The following PLXDC2 variants were observed in gnomAD, a reference collection of about 807,000 sequenced individuals.
PLXDC2 encodes plexin domain-containing protein 2.
PLXDC2 carries 40 observed loss-of-function variants against 68.9 expected under a neutral mutation model. That is an observed-to-expected ratio of 0.58 (90% confidence interval 0.45 to 0.76). The LOEUF is 0.76. PLXDC2 is among the 30% of genes least tolerant of loss of function. The pLI is 0.00. For missense variants in PLXDC2, 644 were observed against 661.9 expected, an observed-to-expected ratio of 0.97 and a Z score of 0.30; for synonymous variants, 243 against 234.2, an observed-to-expected ratio of 1.04 and a Z score of -0.34.
rs1022095894 is a variant in PLXDC2 at position 19,965,723 on chromosome 10, G to GA, written c.113-36052_113-36051insA. Among the ~76,000 whole-genome samples the GA allele has an allele frequency of 4.1e-5, 6 of 147,534 alleles. 1 individual carries two copies. In the East Asian group the frequency reaches 1.3e-3, roughly 32 times the overall value. ...CTCTGGAAAACAGTTTTTTTTGGGG[G>GA]GGGGGGTTACATAATTCAATGAAAG... On this transcript the variant is annotated intron_variant, in intron 1 of 13. Coordinates refer to ENST00000377252, the MANE Select transcript of PLXDC2 (RefSeq NM_032812.9).
At chr10:20,002,257 G>C (rs1037901755) in intron 2 of PLXDC2, among the ~76,000 whole-genome samples, 1 of 146,530 alleles carries the variant, frequency 6.8e-6, no homozygotes, top group Non-Finnish European at 1.5e-5. Context: ...CATTGTGTAA[G>C]AGCTTTTTTT....
chr10:20,239,255 C>A (rs976009824), intron 12 of PLXDC2, among the ~76,000 whole-genome samples: 11 of 152,156 alleles, frequency 7.2e-5, no homozygotes. Flanking sequence ...GAAGAGTTTA[C>A]GTCTTAAGAC....
chr10:20,283,425 G>A lies in PLXDC2; in HGVS notation c.*3606G>A, dbSNP rs770347354. The A allele has an allele frequency of 6.6e-5, 10 of 152,172 alleles. No homozygotes were observed. The highest frequency in any genetic ancestry group is 1.0e-4 in the Non-Finnish European group (7 of 68,030). The allele number at this position is 152,172 out of a possible 1,614,324, so 9.4% of individuals were successfully genotyped here. A position where few individuals can be genotyped will look rare whatever the true frequency, so the allele number is the denominator to read the frequency against. ...CCCATATAAAGTACGACTTTTGGTC[G>A]AGTACCAGCACAAATTTGCATTCAA... On this transcript the variant is annotated 3_prime_UTR_variant, in exon 14 of 14. Transcript: ENST00000377252.
chr10:20,022,040 A>T (rs1278535849), intron 2 of PLXDC2, among the ~76,000 whole-genome samples: 2 of 152,162 alleles, frequency 1.3e-5, no homozygotes. Flanking sequence ...TTGAACTTTC[A>T]ATTGTACTCA....
intron 1 of PLXDC2, among the ~76,000 whole-genome samples, chr10:19,948,545 T>C (rs1200621491): frequency 6.6e-6 from 1 of 152,028 alleles, no homozygotes; most frequent in African/African-American, 2.4e-5. Flanking sequence ...CTATAAATGA[T>C]GCTTTATTGT....
intron 2 of PLXDC2, among the ~76,000 whole-genome samples, chr10:20,019,445 A>G (rs893595383): frequency 2.6e-5 from 4 of 152,146 alleles, no homozygotes; most frequent in Non-Finnish European, 4.4e-5. Flanking sequence ...CTGGTAATTG[A>G]TGCCTGGTGC....
At chr10:19,837,492 G>A (rs1429290623) in intron 1 of PLXDC2, among the ~76,000 whole-genome samples, 2 of 151,588 alleles carry the variant, frequency 1.3e-5, no homozygotes, top group Non-Finnish European at 2.9e-5. Flanking sequence ...GAGTTGGAAA[G>A]AAAGTAAAAG....
intron 12 of PLXDC2, among the ~76,000 whole-genome samples, chr10:20,223,238 G>A (rs1835238979): frequency 6.6e-6 from 1 of 151,830 alleles, no homozygotes; most frequent in Non-Finnish European, 1.5e-5. Flanking sequence ...GCTGGGATGT[G>A]AATCTATTTA....
chr10:20,052,746 G>A (rs113922383), intron 3 of PLXDC2, among the ~76,000 whole-genome samples: 274 of 137,388 alleles, frequency 2.0e-3, no homozygotes, highest in Middle Eastern at 8.2e-3. Context: ...AAAAAAGAAA[G>A]AAAGAAAAAA....
chr10:19,824,351 TTACCTTTTC>T (rs1332299059), intron 1 of PLXDC2, among the ~76,000 whole-genome samples: 2 of 152,244 alleles, frequency 1.3e-5, no homozygotes, highest in Non-Finnish European at 2.9e-5. Context: ...TGTCTTCATC[TTACCTTTTC>T]TACCTTTTCT....
intron 1 of PLXDC2, among the ~76,000 whole-genome samples, chr10:19,971,705 A>G (rs1158088608): frequency 6.6e-6 from 1 of 152,148 alleles, no homozygotes; most frequent in East Asian, 1.9e-4. Flanking sequence ...CCATTTATTC[A>G]TCTCTCGACA....
intron 13 of PLXDC2, among the ~76,000 whole-genome samples, chr10:20,257,816 T>A (rs1835760810): frequency 6.6e-6 from 1 of 152,056 alleles, no homozygotes; most frequent in African/African-American, 2.4e-5. Context: ...TTAATTTTTT[T>A]AATTTTTAAT....
At chr10:20,049,970 G>A (rs1246581586) in intron 3 of PLXDC2, among the ~76,000 whole-genome samples, 1 of 152,106 alleles carries the variant, frequency 6.6e-6, no homozygotes, top group African/African-American at 2.4e-5. Context: ...ATACTGCAGG[G>A]CTGAAGTAAC....
chr10:20,112,465 C>G (rs1833571841), intron 4 of PLXDC2, among the ~76,000 whole-genome samples: 1 of 152,124 alleles, frequency 6.6e-6, no homozygotes, highest in Non-Finnish European at 1.5e-5. Context: ...ATAAAGAATT[C>G]TCCCTTGAGC....
intron 1 of PLXDC2, among the ~76,000 whole-genome samples, chr10:19,874,573 G>A (rs537597355): frequency 1.3e-5 from 2 of 152,276 alleles, no homozygotes; most frequent in South Asian, 2.1e-4. Flanking sequence ...AAACACAAAA[G>A]CACTTAGAAT....
intron 1 of PLXDC2, among the ~76,000 whole-genome samples, chr10:19,958,411 G>A (rs1167967779): frequency 1.3e-5 from 2 of 152,090 alleles, no homozygotes; most frequent in East Asian, 1.9e-4. Flanking sequence ...AAAACCTACA[G>A]ACCTAAAATA....
intron 1 of PLXDC2, among the ~76,000 whole-genome samples, chr10:19,924,178 G>A (rs979168320): frequency 2.0e-5 from 3 of 152,158 alleles, no homozygotes; most frequent in African/African-American, 7.2e-5. Flanking sequence ...TCCTGACTGG[G>A]ACCCCTCACG....
chr10:19,849,349 T>A (rs1346951456), intron 1 of PLXDC2, among the ~76,000 whole-genome samples: 2 of 152,172 alleles, frequency 1.3e-5, no homozygotes, highest in East Asian at 3.9e-4. Context: ...TCACCAAATT[T>A]TTTAATGAAA....
At chr10:20,015,685 G>A (rs919670288) in intron 2 of PLXDC2, among the ~76,000 whole-genome samples, 4 of 151,782 alleles carry the variant, frequency 2.6e-5, no homozygotes, top group Admixed American at 6.6e-5. Context: ...AAGTATAATC[G>A]ATTAAAAAAA....
Sources: allele counts gnomAD v4.1 joint callset (sites outside exome capture counted in the v4.1 genomes callset), GRCh38; gene constraint gnomAD v4.1.1; transcripts MANE v1.5; gene names NCBI Gene and HGNC (gene_info 2026-07-23, HGNC 2026-07-21).